The following ATXN1L variants were observed in gnomAD, a reference collection of about 807,000 sequenced individuals.
ATXN1L encodes ataxin-1-like.
In ATXN1L, 8 loss-of-function variants were observed where a neutral mutation model predicts 43.4. That is an observed-to-expected ratio of 0.18 (90% CI 0.11 to 0.33). The LOEUF (loss-of-function observed/expected upper bound fraction) is 0.33. Among genes scored for constraint, ATXN1L ranks in the 10% least tolerant of loss-of-function variants. ATXN1L has a pLI of 1.00. For synonymous variants in ATXN1L, 379 were observed against 360.6 expected, an observed-to-expected ratio of 1.05 and a Z score of -0.58; for missense variants, 856 against 885.4, an observed-to-expected ratio of 0.97 and a Z score of 0.42.
intron 1 of ATXN1L, 30 bp from the exon 2 acceptor site, chr16:71,847,980 G>A (rs767806874): frequency 8.8e-6 from 4 of 454,912 alleles, no homozygotes; most frequent in South Asian, 4.7e-5. Flanking sequence ...TCAGGCAGCC[G>A]CTTACTCCAT....
Position 71,849,215 on chromosome 16 carries a change from T to TAAAAAAAAAAAA in ATXN1L, c.-117-409_-117-408insAAAAAAAAAAAA, listed in dbSNP as rs377525889. Among the ~76,000 whole-genome samples, 6 of 86,052 alleles carry TAAAAAAAAAAAA rather than the reference T, an allele frequency of 7.0e-5. 1 individual carries two copies. Among genetic ancestry groups the TAAAAAAAAAAAA allele is most frequent in the Non-Finnish European group, 1.4e-4 (6 of 43,200 alleles). 56.5% of individuals were successfully genotyped at this position (86,052 alleles called of 152,430 possible). A position where few individuals can be genotyped will look rare whatever the true frequency, so the allele number is the denominator to read the frequency against. ...CAACAAGAGCAAAACTCCATGTGTT[T>TAAAAAAAAAAAA]TAAAAAAAAAAAAAAAAAAAAAAAA... On this transcript the variant is annotated intron_variant, in intron 2 of 2. Coordinates refer to ENST00000427980, the MANE Select transcript of ATXN1L (RefSeq NM_001137675.4).
Position 71,849,957 on chromosome 16 carries a change from G to C in ATXN1L, c.217G>C (p.Gly73Arg). Residue 73 changes from glycine (G) to arginine (R), a missense_variant, in exon 3 of 3, where the codon GGT (glycine) becomes CGT (arginine). This residue lies in a region of ATXN1L where 93 missense variants were observed against 113.4 expected (regional missense o/e 0.82). Transcript: ENST00000427980. ...GGGTGATGGAGCTGAGGCCATCACC[G>C]GTCTGACAGTGGACCAGTATGGCAT... ...LGGDGAEAITGLTVDQYGMLY... is the reference protein window; with the variant it reads ...LGGDGAEAITRLTVDQYGMLY... 1 of 1,551,540 alleles carries C rather than the reference G, an allele frequency of 6.4e-7. No homozygotes were observed. The highest frequency in any genetic ancestry group is 8.7e-7 in the Non-Finnish European group (1 of 1,146,914).
intron 1 of ATXN1L, among the ~76,000 whole-genome samples, chr16:71,847,453 A>C (rs551214420): frequency 1.3e-5 from 2 of 151,838 alleles, no homozygotes; most frequent in East Asian, 1.9e-4. Context: ...TAACCCTGAA[A>C]ATCTCTTAAT....
At position 71,851,345 on chromosome 16, in the gene ATXN1L, G is replaced by A; in HGVS notation, c.1605G>A (p.Val535=). Reference sequence around the variant, plus strand: ...TGGTTGGTGAGCAGCAGAGCAAAGTGAGCATCGAAGTGCCCCCCGAGCACC... The same window carrying A: ...TGGTTGGTGAGCAGCAGAGCAAAGTAAGCATCGAAGTGCCCCCCGAGCACC... The part of the protein sequence containing the change: ...HFVVGEQQSK[V]SIEVPPEHPF... The change falls in exon 3 of 3, where the codon GTG becomes GTA. Residue 535 remains valine (V), a synonymous_variant. Transcript: ENST00000427980. The surrounding 1 kb of genome is among the most constrained non-coding windows in gnomAD (Gnocchi z 4.9). The A allele has an allele frequency of 3.9e-6, 6 of 1,551,664 alleles. No individual in the cohort carries two copies. The highest frequency in any genetic ancestry group is 4.4e-6 in the Non-Finnish European group (5 of 1,146,992).
chr16:71,850,231 C>T lies in ATXN1L; in HGVS notation c.491C>T (p.Ala164Val). 6.4e-7 allele frequency: 1 copy of T among 1,551,690 alleles called. No homozygotes were observed. The highest frequency in any genetic ancestry group is 8.7e-7 in the Non-Finnish European group (1 of 1,146,990). Residue 164 changes from alanine to valine, a missense_variant, in exon 3 of 3, where the codon GCC becomes GTC. Ala to Val is a moderately conservative substitution (Grantham distance 64). Around this residue, in one of 7 missense-constraint regions of ATXN1L, gnomAD observed 490 missense variants for 449.4 expected, o/e 1.09. Transcript: ENST00000427980. ...FLPSPLLSPS[A>V]NLATSHLPHF... ...CCGAGTCCCCTCCTATCTCCTTCTGCCAACCTTGCCACCTCTCACCTTCCA... is the reference window on the plus strand; with the variant it reads ...CCGAGTCCCCTCCTATCTCCTTCTGTCAACCTTGCCACCTCTCACCTTCCA...
rs2033530461 is a variant in ATXN1L at position 71,854,064 on chromosome 16, C to T, written c.*2254C>T. 6.0e-6 allele frequency: 1 copy of T among 167,120 alleles called. No individual in the cohort carries two copies. The highest frequency in any genetic ancestry group is 2.4e-5 in the African/African-American group (1 of 41,452). 10.4% of individuals were successfully genotyped at this position (167,120 alleles called of 1,614,324 possible). A position where few individuals can be genotyped will look rare whatever the true frequency, so the allele number is the denominator to read the frequency against. On this transcript the variant is annotated 3_prime_UTR_variant, in exon 3 of 3. Coordinates refer to ENST00000427980, the MANE Select transcript of ATXN1L (RefSeq NM_001137675.4). Reference sequence around the variant, plus strand: ...ATCTCTGGCTGTTTCATGAGCAACTCATTCCTAGAGTTCATTGTTTGCATG... The same window carrying T: ...ATCTCTGGCTGTTTCATGAGCAACTTATTCCTAGAGTTCATTGTTTGCATG...
At chr16:71,846,283 G>T (rs928701052) in intron 1 of ATXN1L, among the ~76,000 whole-genome samples, 179 bp downstream of exon 1, 10 of 152,314 alleles carry the variant, frequency 6.6e-5, no homozygotes, top group Admixed American at 5.9e-4. Flanking sequence ...TGTCCTGGAA[G>T]GTGGCCTCAG....
intron 2 of ATXN1L, among the ~76,000 whole-genome samples, chr16:71,848,777 G>C (rs938085494): frequency 6.6e-6 from 1 of 151,984 alleles, no homozygotes. Context: ...AGGAGGAAGA[G>C]AGTTTTTAGC....
intron 2 of ATXN1L, among the ~76,000 whole-genome samples, chr16:71,849,408 T>C (rs1316400013): frequency 6.6e-6 from 1 of 152,088 alleles, no homozygotes; most frequent in Non-Finnish European, 1.5e-5. Flanking sequence ...CGTGTCCCTG[T>C]AGCTCTTTGT....
At chr16:71,846,729 G>A (rs1001756669) in intron 1 of ATXN1L, among the ~76,000 whole-genome samples, 1 of 152,192 alleles carries the variant, frequency 6.6e-6, no homozygotes, top group East Asian at 1.9e-4. Context: ...GTTCTCGAGA[G>A]GCGGAGGTTT....
At position 71,850,922 on chromosome 16, in the gene ATXN1L, G is replaced by A. The variant is rs890383264; in HGVS notation, c.1182G>A (p.Gly394=). 3 of 1,551,550 alleles carry A rather than the reference G, an allele frequency of 1.9e-6. No individual in the cohort carries two copies. Among genetic ancestry groups the A allele is most frequent in the Non-Finnish European group, 1.7e-6 (2 of 1,146,974 alleles). ...TGGCAGAGAAAAGTCAGGCCCGTGG[G>A]TTCTACCCTCAGTCCCATCAGGAAC... ...AELAEKSQAR[G]FYPQSHQEPV... is the part of the protein sequence containing the mutation. The change falls in exon 3 of 3, where the codon GGG becomes GGA. Residue 394 remains glycine, a synonymous_variant. Coordinates refer to ENST00000427980, the MANE Select transcript of ATXN1L (RefSeq NM_001137675.4).
Position 71,851,978 on chromosome 16 carries a change from T to C in ATXN1L, c.*168T>C, listed in dbSNP as rs1241908346. 1 of 743,882 alleles carries C rather than the reference T, an allele frequency of 1.3e-6. No individual in the cohort carries two copies. Among genetic ancestry groups the C allele is most frequent in the African/African-American group, 1.8e-5 (1 of 55,750 alleles). The allele number at this position is 743,882 out of a possible 1,614,324, so 46.1% of individuals were successfully genotyped here. On this transcript the variant is annotated 3_prime_UTR_variant, in exon 3 of 3. Transcript: ENST00000427980. This position sits in a 1 kb window ranked among gnomAD's most constrained non-coding sequence, Gnocchi z 4.9. ...CTCCCAAGGCAGGATCTGTTGTTCATTACCCCATGGCATCCTTTCAGGACA... is the reference window on the plus strand; with the variant it reads ...CTCCCAAGGCAGGATCTGTTGTTCACTACCCCATGGCATCCTTTCAGGACA...
chr16:71,849,216 TAAAAAAAAA>T (rs71153674), intron 2 of ATXN1L, among the ~76,000 whole-genome samples: 3 of 71,238 alleles, frequency 4.2e-5, no homozygotes, highest in Non-Finnish European at 5.4e-5. Context: ...CCATGTGTTT[TAAAAAAAAA>T]AAAAAAAAAA....
chr16:71,848,887 A>G (rs1045623685), intron 2 of ATXN1L, among the ~76,000 whole-genome samples: 1 of 152,156 alleles, frequency 6.6e-6, no homozygotes, highest in African/African-American at 2.4e-5. Context: ...TGGCACATTC[A>G]TGTTTGGTAG....
At chr16:71,847,759 G>A (rs978462848) in intron 1 of ATXN1L, among the ~76,000 whole-genome samples, 5 of 152,016 alleles carry the variant, frequency 3.3e-5, no homozygotes, top group African/African-American at 9.7e-5. Flanking sequence ...ATGATGTTAC[G>A]GAAAACCAAT....
In ATXN1L at chr16:71,853,546, G is replaced by A. The variant is rs1597111363; in HGVS notation, c.*1736G>A. 1.2e-5 allele frequency: 2 copies of A among 167,058 alleles called. No individual in the cohort carries two copies. Among genetic ancestry groups the A allele is most frequent in the Admixed American group, 1.3e-4 (2 of 15,280 alleles). The allele number at this position is 167,058 out of a possible 1,614,324, so 10.3% of individuals were successfully genotyped here. Reference sequence around the variant, plus strand: ...GGCATCAGGAGTCCAAACCTCTGAGGTCTGATCTCTGCTCTGTCAAGGACT... The same window carrying A: ...GGCATCAGGAGTCCAAACCTCTGAGATCTGATCTCTGCTCTGTCAAGGACT... On this transcript the variant is annotated 3_prime_UTR_variant, in exon 3 of 3. Transcript: ENST00000427980.
Position 71,850,433 on chromosome 16 carries a change from T to C in ATXN1L, c.693T>C (p.Tyr231=). Residue 231 remains tyrosine (Y), a synonymous_variant, in exon 3 of 3, where the codon TAT becomes TAC. Coordinates refer to ENST00000427980, the MANE Select transcript of ATXN1L (RefSeq NM_001137675.4). ...CTCCAGGTCGGATGCCCATTTATTATCAGATGTCCAGGCTACCTGCTGGGT... is the reference window on the plus strand; with the variant it reads ...CTCCAGGTCGGATGCCCATTTATTACCAGATGTCCAGGCTACCTGCTGGGT... ...DLAPGRMPIY[Y]QMSRLPAGYT... 6.4e-7 allele frequency: 1 copy of C among 1,551,684 alleles called. No homozygotes were observed. The highest frequency in any genetic ancestry group is 8.7e-7 in the Non-Finnish European group (1 of 1,146,988).
Position 71,851,354 on chromosome 16 carries a change from A to C in ATXN1L, c.1614A>C (p.Glu538Asp). ...AGCAGCAGAGCAAAGTGAGCATCGA[A>C]GTGCCCCCCGAGCACCCCTTCTTTG... ...VGEQQSKVSI[E>D]VPPEHPFFVY... is the part of the protein sequence containing the mutation. Residue 538 changes from glutamate to aspartate, a missense_variant, in exon 3 of 3, where the codon GAA (glutamate) becomes GAC (aspartate). By Grantham distance (45) the Glu-to-Asp change is conservative. Around this residue, in one of 7 missense-constraint regions of ATXN1L, gnomAD observed 54 missense variants for 56.6 expected, o/e 0.95. Coordinates refer to ENST00000427980, the MANE Select transcript of ATXN1L (RefSeq NM_001137675.4). This position sits in a 1 kb window ranked among gnomAD's most constrained non-coding sequence, Gnocchi z 4.9. The C allele has an allele frequency of 6.4e-7, 1 of 1,551,658 alleles. No homozygotes were observed. Among genetic ancestry groups the C allele is most frequent in the Non-Finnish European group, 8.7e-7 (1 of 1,146,982 alleles).
In ATXN1L at chr16:71,851,177, G is replaced by A. The variant is rs560067410; in HGVS notation, c.1437G>A (p.Thr479=). The A allele has an allele frequency of 2.3e-5, 35 of 1,551,648 alleles. No homozygotes were observed. Among genetic ancestry groups the A allele is most frequent in the East Asian group, 4.9e-5 (2 of 40,906 alleles). Residue 479 remains threonine, a synonymous_variant, in exon 3 of 3, where the codon ACG becomes ACA. Coordinates refer to ENST00000427980, the MANE Select transcript of ATXN1L (RefSeq NM_001137675.4). The surrounding 1 kb of genome is among the most constrained non-coding windows in gnomAD (Gnocchi z 4.9). ...FMKGAIIQLA[T]GELKRVEDLQ... is the part of the protein sequence containing the mutation. ...AAGGCGCCATCATCCAGCTGGCTAC[G>A]GGAGAGCTGAAGCGGGTGGAGGACC...
Sources: gnomAD v4.1 joint callset for allele counts (sites outside exome capture counted in the v4.1 genomes callset) on GRCh38, gnomAD v4.1.1 for gene constraint, gnomAD v4.1.1 regional missense constraint, Gnocchi (gnomAD v3.1) non-coding constraint, MANE v1.5 for transcripts, NCBI Gene and HGNC (gene_info 2026-07-23, HGNC 2026-07-21) for gene names.